The following HADHB variants were observed in gnomAD, a reference collection of about 807,000 sequenced individuals.
HADHB encodes the protein hydroxyacyl-CoA dehydrogenase trifunctional multienzyme complex subunit beta.
In HADHB, 50 loss-of-function variants were observed where a neutral mutation model predicts 61.9. The observed-to-expected ratio is 0.81, with a 90% CI of 0.64 to 1.02. The LOEUF is 1.02. Among genes scored for constraint, HADHB ranks in the 50% least tolerant of loss-of-function variants. HADHB has a pLI of 0.00. For missense variants in HADHB, 504 were observed against 586.5 expected (o/e 0.86, Z 1.45); for synonymous variants, 191 against 201.6 (o/e 0.95, Z 0.45).
intron 1 of HADHB, among the ~76,000 whole-genome samples, chr2:26,248,428 T>G (rs1671247359): frequency 6.6e-6 from 1 of 152,130 alleles, no homozygotes; most frequent in African/African-American, 2.4e-5. Context: ...TCTCCTAGGC[T>G]GGAGTTCAGT....
At chr2:26,268,328 G>A (rs559827240) in intron 4 of HADHB, among the ~76,000 whole-genome samples, 5 of 152,222 alleles carry the variant, frequency 3.3e-5, no homozygotes, top group African/African-American at 9.6e-5. Flanking sequence ...ACATACGTCC[G>A]CAAAGTCTGT....
chr2:26,263,456 T>A lies in HADHB; in HGVS notation c.186T>A (p.Thr62=). 6.2e-7 allele frequency: 1 copy of A among 1,609,442 alleles called. No individual in the cohort carries two copies. The highest frequency in any genetic ancestry group is 8.5e-7 in the Non-Finnish European group (1 of 1,175,772). The change falls in exon 4 of 16, where the codon ACT becomes ACA. Residue 62 remains threonine (T), a synonymous_variant. Coordinates refer to ENST00000317799, the MANE Select transcript of HADHB (RefSeq NM_000183.3). Reference sequence around the variant, plus strand: ...TTGTGGTGGTGGATGGTGTTCGCACTCCATTTTTGCTGTCTGGCACTTCGT... The same window carrying A: ...TTGTGGTGGTGGATGGTGTTCGCACACCATTTTTGCTGTCTGGCACTTCGT... The part of the protein sequence containing the change: ...RNVVVVDGVR[T]PFLLSGTSYK...
intron 10 of HADHB, among the ~76,000 whole-genome samples, chr2:26,280,580 C>T (rs913451063): frequency 2.6e-5 from 4 of 152,020 alleles, no homozygotes; most frequent in Middle Eastern, 3.2e-3. Context: ...AGGCCGGGTG[C>T]GGTGGCTCAC....
At position 26,269,955 on chromosome 2, in the gene HADHB, A is replaced by C; in HGVS notation, c.212A>C (p.Tyr71Ser). 6.2e-7 allele frequency: 1 copy of C among 1,605,618 alleles called. No homozygotes were observed. Among genetic ancestry groups the C allele is most frequent in the Non-Finnish European group, 8.5e-7 (1 of 1,172,264 alleles). ...AATTACTGGTTTTCGTTCCCCAGAT[A>C]TAAAGACCTGATGCCACATGATTTG... ...RTPFLLSGTS[Y>S]KDLMPHDLAR... The change falls in exon 5 of 16, where the codon TAT (tyrosine) becomes TCT (serine). Residue 71 changes from tyrosine (Y) to serine (S), a missense_variant and splice_region_variant. By Grantham distance (144) the Tyr-to-Ser change is moderately radical. Transcript: ENST00000317799.
chr2:26,288,182 T>C (rs942444753), intron 15 of HADHB, among the ~76,000 whole-genome samples: 2 of 152,092 alleles, frequency 1.3e-5, no homozygotes, highest in African/African-American at 4.8e-5. Context: ...AGAGGATTGC[T>C]TGAGCCCGGG....
chr2:26,280,974 A>G (rs868585066), intron 10 of HADHB, among the ~76,000 whole-genome samples: 10 of 151,352 alleles, frequency 6.6e-5, no homozygotes, highest in Admixed American at 5.3e-4. Flanking sequence ...AGCATAAGGT[A>G]TGAACTGGGA....
At chr2:26,278,200 GGA>G (rs1672628271) in intron 7 of HADHB, among the ~76,000 whole-genome samples, 1 of 152,054 alleles carries the variant, frequency 6.6e-6, no homozygotes. Context: ...GTGGCCATAA[GGA>G]GAGAGGGGGC....
Position 26,263,399 on chromosome 2 carries a change from G to A in HADHB, c.129G>A (p.Lys43=), listed in dbSNP as rs2147809837. The part of the protein sequence containing the change: ...RAAPAVQTKT[K]KTLAKPNIRN... ...TTAAAGCTGTCCAGACCAAAACGAA[G>A]AAGACGTTAGCCAAACCCAATATAA... is the stretch of plus-strand genomic sequence containing the variant. Residue 43 remains lysine (K), a synonymous_variant, in exon 4 of 16, where the codon AAG becomes AAA. Coordinates refer to ENST00000317799, the MANE Select transcript of HADHB (RefSeq NM_000183.3). The A allele has an allele frequency of 6.2e-7, 1 of 1,611,276 alleles. No individual in the cohort carries two copies. Among genetic ancestry groups the A allele is most frequent in the Non-Finnish European group, 8.5e-7 (1 of 1,177,642 alleles).
At position 26,285,368 on chromosome 2, in the gene HADHB, G is replaced by A. The variant is rs781652124; in HGVS notation, c.1225-39G>A. 1.9e-6 allele frequency: 3 copies of A among 1,588,400 alleles called. No homozygotes were observed. In the East Asian group the frequency reaches 6.7e-5, roughly 35 times the overall value. On this transcript the variant is annotated intron_variant, in intron 14 of 15. Transcript: ENST00000317799. The stretch of plus-strand genomic sequence containing the variant: ...GAGCCTAGCTTGATTCTGATCTTAA[G>A]TAAACTTATCTTTACATTTGTGTCT...
intron 10 of HADHB, among the ~76,000 whole-genome samples, chr2:26,282,342 C>T (rs937207482): frequency 6.6e-5 from 10 of 150,940 alleles, no homozygotes; most frequent in Non-Finnish European, 1.5e-5. Context: ...GCAACCTCCG[C>T]CTCCCAGGTT....
chr2:26,277,233 CTT>C lies in HADHB; in HGVS notation c.442+94_442+95del, dbSNP rs34696184. 79,909 of 423,406 alleles carry C rather than the reference CTT, an allele frequency of 0.19. 2,102 individuals are homozygous for C. The highest frequency in any genetic ancestry group is 0.21 in the Middle Eastern group (290 of 1,396). 26.2% of individuals were successfully genotyped at this position (423,406 alleles called of 1,614,324 possible). A position where few individuals can be genotyped will look rare whatever the true frequency, so the allele number is the denominator to read the frequency against. ...TCTTTTACTTGATTATAAAAATGTA[CTT>C]TTTTTTTTTTTTTTTTTTTTAACAC... is the stretch of plus-strand genomic sequence containing the variant. On this transcript the variant is annotated intron_variant, in intron 7 of 15. Transcript: ENST00000317799.
intron 4 of HADHB, among the ~76,000 whole-genome samples, chr2:26,264,043 G>T (rs1041922673): frequency 2.0e-5 from 3 of 152,104 alleles, no homozygotes; most frequent in Non-Finnish European, 4.4e-5. Context: ...GTGAAGGTTA[G>T]TCTATCCAAA....
Position 26,290,069 on chromosome 2 carries a change from T to G in HADHB, c.*116T>G. ...CTAGCTCCTCTTAGGAAAACAGTTC[T>G]TGTGGCCTTCTATTAAATAGTTTGC... On this transcript the variant is annotated 3_prime_UTR_variant, in exon 16 of 16. Coordinates refer to ENST00000317799, the MANE Select transcript of HADHB (RefSeq NM_000183.3). 1.2e-6 allele frequency: 1 copy of G among 806,410 alleles called. No individual in the cohort carries two copies. Among genetic ancestry groups the G allele is most frequent in the South Asian group, 1.3e-5 (1 of 74,862 alleles). The allele number at this position is 806,410 out of a possible 1,614,324, so 50.0% of individuals were successfully genotyped here. A position where few individuals can be genotyped will look rare whatever the true frequency, so the allele number is the denominator to read the frequency against.
chr2:26,283,133 AAC>A, intron 12 of HADHB, 82 bp downstream of exon 12: 1 of 888,758 alleles, frequency 1.1e-6, no homozygotes, highest in Non-Finnish European at 1.9e-6. Flanking sequence ...ATAAATGATT[AAC>A]ACTGGTTTAT....
At chr2:26,289,733 G>A (rs185388269) in intron 15 of HADHB, among the ~76,000 whole-genome samples, 185 bp from the exon 16 acceptor site, 358 of 152,212 alleles carry the variant, frequency 2.4e-3, no homozygotes, top group African/African-American at 8.4e-3. Context: ...GACACTATGA[G>A]CCCCATTTTG....
chr2:26,274,956 A>C (rs1462250780), intron 6 of HADHB, among the ~76,000 whole-genome samples: 1 of 152,120 alleles, frequency 6.6e-6, no homozygotes, highest in Non-Finnish European at 1.5e-5. Context: ...TAAAGCCATA[A>C]TGTTTTCCTC....
At chr2:26,289,770 T>C in intron 15 of HADHB, 148 bp from the exon 16 acceptor site, 1 of 745,588 alleles carries the variant, frequency 1.3e-6, no homozygotes, top group Non-Finnish European at 2.5e-6. Flanking sequence ...TTAGACTGAC[T>C]ACAAACTTTC....
rs111543859 is a variant in HADHB, at chr2:26,257,892, G to A, written c.109+3418G>A. Among the ~76,000 whole-genome samples the A allele has an allele frequency of 5.6e-3, 858 of 151,938 alleles. 6 individuals carry two copies. Among genetic ancestry groups the A allele is most frequent in the African/African-American group, 0.02 (829 of 41,428 alleles). On this transcript the variant is annotated intron_variant, in intron 3 of 15. Transcript: ENST00000317799. ...AAATTAGCCGGGCGTGGTGGCGGGC[G>A]CCTGTAATCCCAGCTACTTGGGAGG...
chr2:26,280,213 A>G, intron 10 of HADHB, 98 bp downstream of exon 10: 3 of 942,726 alleles, frequency 3.2e-6, no homozygotes, highest in Non-Finnish European at 5.2e-6. Flanking sequence ...TTATGAATAG[A>G]GGGTTAAAAA....
Sources: allele counts gnomAD v4.1 joint callset (sites outside exome capture counted in the v4.1 genomes callset), GRCh38; gene constraint gnomAD v4.1.1; transcripts MANE v1.5; gene names NCBI Gene and HGNC (gene_info 2026-07-23, HGNC 2026-07-21).